The following CUX2 variants were observed in gnomAD, a reference collection of about 807,000 sequenced individuals.
CUX2 encodes cut like homeobox 2.
A neutral mutation model predicts 144.8 loss-of-function variants in CUX2; 40 were observed. That is an observed-to-expected ratio of 0.28 (90% confidence interval 0.21 to 0.36). The LOEUF (loss-of-function observed/expected upper bound fraction) is 0.36, where lower values mean the gene tolerates loss of function less well. CUX2 is among the 10% of genes least tolerant of loss of function. The pLI, the probability that CUX2 is intolerant of heterozygous loss-of-function variation, is 1.00. For missense variants in CUX2, 1,615 were observed against 1,994.0 expected (o/e 0.81, Z 3.62); for synonymous variants, 827 against 875.6 (o/e 0.94, Z 0.98).
intron 1 of CUX2, among the ~76,000 whole-genome samples, chr12:111,137,815 A>G (rs1480603079): frequency 2.6e-5 from 4 of 152,228 alleles, no homozygotes; most frequent in Non-Finnish European, 5.9e-5. Flanking sequence ...CACCATGCAC[A>G]GCCCACCCAG....
At chr12:111,338,211 ATT>A in intron 19 of CUX2, 73 bp from the exon 20 acceptor site, 1 of 1,466,508 alleles carries the variant, frequency 6.8e-7, no homozygotes, top group African/African-American at 1.4e-5. Context: ...TCTCTGGCCT[ATT>A]CCATGTCTCT....
intron 1 of CUX2, among the ~76,000 whole-genome samples, chr12:111,139,137 T>TG (rs1174351570): frequency 6.6e-6 from 1 of 151,846 alleles, no homozygotes; most frequent in Admixed American, 6.6e-5. Flanking sequence ...AGGGACTTCG[T>TG]GGGGGGCATG....
intron 3 of CUX2, among the ~76,000 whole-genome samples, chr12:111,230,366 A>G (rs567088795): frequency 2.0e-5 from 3 of 152,266 alleles, no homozygotes; most frequent in African/African-American, 7.2e-5. Context: ...TTCACTATTC[A>G]GTGTGGTCAC....
chr12:111,320,214 C>T lies in CUX2; in HGVS notation c.2205C>T (p.Thr735=), dbSNP rs1333295898. ...PSPPERPSLA[T]ASQNGAPALV... ...CCCCGGAGCGGCCATCACTGGCCAC[C>T]GCGAGCCAGAACGGGGCCCCGGCCT... Residue 735 remains threonine (T), a synonymous_variant, in exon 17 of 22, where the codon ACC becomes ACT. Coordinates refer to ENST00000261726, the MANE Select transcript of CUX2 (RefSeq NM_015267.4). The surrounding 1 kb of genome is among the most constrained non-coding windows in gnomAD (Gnocchi z 8.1). 13 of 1,549,894 alleles carry T rather than the reference C, an allele frequency of 8.4e-6. No homozygotes were observed. The highest frequency in any genetic ancestry group is 3.9e-5 in the Admixed American group (2 of 51,828).
At chr12:111,318,252 T>G (rs868363765) in intron 16 of CUX2, among the ~76,000 whole-genome samples, 2 of 148,450 alleles carry the variant, frequency 1.3e-5, no homozygotes, top group Non-Finnish European at 3.0e-5. Flanking sequence ...TTTCTTTTTT[T>G]TTTTTTTTTC....
At chr12:111,086,532 T>C (rs1001691111) in intron 1 of CUX2, among the ~76,000 whole-genome samples, 15 of 152,298 alleles carry the variant, frequency 9.8e-5, no homozygotes, top group African/African-American at 3.1e-4. Context: ...GTGCAGTGCC[T>C]GGGAGAGAAA....
chr12:111,054,219 G>A (rs901211369), intron 1 of CUX2, among the ~76,000 whole-genome samples: 29 of 152,208 alleles, frequency 1.9e-4, no homozygotes, highest in African/African-American at 6.3e-4. Flanking sequence ...GAGAGCTGGC[G>A]TCCCCGGGCC....
chr12:111,119,923 T>C (rs1052760146), intron 1 of CUX2, among the ~76,000 whole-genome samples: 1 of 152,142 alleles, frequency 6.6e-6, no homozygotes, highest in African/African-American at 2.4e-5. Context: ...CCAGGCATGG[T>C]GGCACGCGCC....
intron 1 of CUX2, among the ~76,000 whole-genome samples, chr12:111,043,533 C>T (rs1869847336): frequency 6.6e-6 from 1 of 152,176 alleles, no homozygotes. Context: ...TGCATGGTGG[C>T]CGGGTGCGGT....
intron 1 of CUX2, among the ~76,000 whole-genome samples, chr12:111,103,261 C>T (rs955402139): frequency 5.9e-5 from 9 of 152,146 alleles, no homozygotes; most frequent in East Asian, 1.9e-4. Context: ...GGTTCGGGAA[C>T]GACCTGGCAG....
chr12:111,052,928 G>T (rs55937155), intron 1 of CUX2, among the ~76,000 whole-genome samples: 1 of 152,350 alleles, frequency 6.6e-6, no homozygotes, highest in Non-Finnish European at 1.5e-5. Context: ...GGCAGGCACT[G>T]CCTCCCCAGG....
At position 111,342,000 on chromosome 12, in the gene CUX2, C is replaced by T. The variant is rs199713824; in HGVS notation, c.3606C>T (p.Ser1202=). The change falls in exon 21 of 22, where the codon TCC becomes TCT. Residue 1202 remains serine, a synonymous_variant. Transcript: ENST00000261726. ...YPSQQTIELL[S]FQLNLKTNTV... ...CGCAGCAGACCATCGAGCTCCTCTC[C>T]TTCCAGCTCAACCTCAAGACCAACA... is the stretch of plus-strand genomic sequence containing the variant. 34 of 1,614,136 alleles carry T rather than the reference C, an allele frequency of 2.1e-5. No homozygotes were observed. The African/African-American group carries it at 4.1e-4, about 20-fold the overall frequency.
rs1376228775 is a variant in CUX2, at chr12:111,214,287, G to A, written c.151G>A (p.Glu51Lys). 1 of 1,604,638 alleles carries A rather than the reference G, an allele frequency of 6.2e-7. No homozygotes were observed. The highest frequency in any genetic ancestry group is 1.3e-5 in the African/African-American group (1 of 74,202). Residue 51 changes from glutamate to lysine, a missense_variant, in exon 2 of 22, where the codon GAA becomes AAA. Physicochemically the swap from Glu to Lys is moderately conservative, Grantham distance 56. Around this residue, in one of 12 missense-constraint regions of CUX2, gnomAD observed 295 missense variants for 400.2 expected, o/e 0.74. Coordinates refer to ENST00000261726, the MANE Select transcript of CUX2 (RefSeq NM_015267.4). The stretch of plus-strand genomic sequence containing the variant: ...TAAACATTTAATTGAACTCCGCCGG[G>A]AATTTAAGAAAAATGTACCTGAGGT... ...SHKHLIELRREFKKNVPEEIR... is the reference protein window; with the variant it reads ...SHKHLIELRRKFKKNVPEEIR...
intron 1 of CUX2, among the ~76,000 whole-genome samples, chr12:111,065,131 A>G (rs1566197065): frequency 6.6e-6 from 1 of 152,200 alleles, no homozygotes; most frequent in African/African-American, 2.4e-5. Context: ...TGTGAATTCT[A>G]TGTGACCAGG....
Position 111,249,685 on chromosome 12 carries a change from G to C in CUX2, c.223-14076G>C, listed in dbSNP as rs536415237. 9.2e-5 allele frequency among the ~76,000 whole-genome samples: 14 copies of C among 152,132 alleles called. 1 individual carries two copies. Among genetic ancestry groups the C allele is most frequent in the Admixed American group, 2.6e-4 (4 of 15,286 alleles). Reference sequence around the variant, plus strand: ...TTGGCCAGGCTGGTCTCAAACTCCTGACCTCAGGTGATCAGCCTGCCTTGA... The same window carrying C: ...TTGGCCAGGCTGGTCTCAAACTCCTCACCTCAGGTGATCAGCCTGCCTTGA... On this transcript the variant is annotated intron_variant, in intron 3 of 21. Transcript: ENST00000261726.
At chr12:111,233,663 C>T (rs1006811657) in intron 3 of CUX2, among the ~76,000 whole-genome samples, 6 of 152,060 alleles carry the variant, frequency 3.9e-5, no homozygotes, top group South Asian at 2.1e-4. Flanking sequence ...GCTGGTTATC[C>T]GACATCTGGG....
rs766670285 is a variant in CUX2, at chr12:111,334,528, C to G, written c.3014C>G (p.Ser1005Cys). 6.2e-7 allele frequency: 1 copy of G among 1,613,938 alleles called. No homozygotes were observed. Among genetic ancestry groups the G allele is most frequent in the South Asian group, 1.1e-5 (1 of 91,070 alleles). The stretch of plus-strand genomic sequence containing the variant: ...AGCTCCCAGGAGCCGTTGAGCCTGT[C>G]CCTGGAGAGCAGCAAGGAGAACCAG... ...EKSSQEPLSL[S>C]LESSKENQQP... The change falls in exon 19 of 22, where the codon TCC becomes TGC. Residue 1005 changes from serine to cysteine, a missense_variant. By Grantham distance (112) the Ser-to-Cys change is moderately radical. Around this residue, in one of 12 missense-constraint regions of CUX2, gnomAD observed 128 missense variants for 124.4 expected, o/e 1.03. Transcript: ENST00000261726.
rs963604518 is a variant in CUX2, at chr12:111,322,909, T to C, written c.2926+329T>C. Among the ~76,000 whole-genome samples the C allele has an allele frequency of 2.6e-5, 4 of 152,214 alleles. No homozygotes were observed. The highest frequency in any genetic ancestry group is 5.9e-5 in the Non-Finnish European group (4 of 68,040). On this transcript the variant is annotated intron_variant, in intron 18 of 21. Coordinates refer to ENST00000261726, the MANE Select transcript of CUX2 (RefSeq NM_015267.4). This position sits in a 1 kb window ranked among gnomAD's most constrained non-coding sequence, Gnocchi z 4.2. ...TGCATGTGGAGTCCCACATCTGGAA[T>C]TGCTCATCGATCTCAGCTCTGTTTC...
intron 1 of CUX2, among the ~76,000 whole-genome samples, chr12:111,198,344 G>A (rs1388922074): frequency 6.6e-6 from 1 of 152,030 alleles, no homozygotes; most frequent in African/African-American, 2.4e-5. Flanking sequence ...GTGTGGTGGT[G>A]AACACCTGTA....
Sources: allele counts gnomAD v4.1 joint callset (sites outside exome capture counted in the v4.1 genomes callset), GRCh38; gene constraint gnomAD v4.1.1; regional missense constraint gnomAD v4.1.1; non-coding constraint Gnocchi (gnomAD v3.1); transcripts MANE v1.5; gene names NCBI Gene and HGNC (gene_info 2026-07-23, HGNC 2026-07-21).